The following EFCAB3 variants were observed in gnomAD, a reference collection of about 807,000 sequenced individuals.
The protein encoded by EFCAB3 is EF-hand calcium-binding domain-containing protein 3.
Under a neutral mutation model 42.2 loss-of-function variants are expected in EFCAB3, and 36 were observed. The observed-to-expected ratio is 0.85, with a 90% CI of 0.65 to 1.13. The LOEUF (loss-of-function observed/expected upper bound fraction) is 1.13, where lower values mean the gene tolerates loss of function less well. Ranked by LOEUF, EFCAB3 falls within the 50% of genes most tolerant of loss-of-function variation. The pLI is 0.00. For synonymous variants in EFCAB3, 170 were observed against 172.8 expected (o/e 0.98, Z 0.13); for missense variants, 418 against 505.1 (o/e 0.83, Z 1.65).
intron 6 of EFCAB3, among the ~76,000 whole-genome samples, chr17:62,404,567 C>G (rs534381738): frequency 8.5e-5 from 13 of 152,154 alleles, no homozygotes; most frequent in Non-Finnish European, 1.5e-4. Context: ...GAGGCCGAGG[C>G]GGATGGATCA....
chr17:62,394,514 T>A (rs1418195521), intron 5 of EFCAB3, among the ~76,000 whole-genome samples: 1 of 152,320 alleles, frequency 6.6e-6, no homozygotes, highest in African/African-American at 2.4e-5. Flanking sequence ...ATAATTTTTC[T>A]ATTATTTCTC....
In EFCAB3 at chr17:62,406,666, G is replaced by T; in HGVS notation, c.675G>T (p.Glu225Asp). The change falls in exon 7 of 10, where the codon GAG (glutamate) becomes GAT (aspartate). Residue 225 changes from glutamate to aspartate, a missense_variant. Coordinates refer to ENST00000305286, the MANE Select transcript of EFCAB3 (RefSeq NM_173503.4). Reference sequence around the variant, plus strand: ...AGGATTTATTTAAATTTCTTGAAGAGCTCAAGAGTAAGAGCCATTTGTTCT... The same window carrying T: ...AGGATTTATTTAAATTTCTTGAAGATCTCAAGAGTAAGAGCCATTTGTTCT... ...KEKDLFKFLE[E>D]LKRCNSGSDS... The T allele has an allele frequency of 1.2e-6, 2 of 1,613,906 alleles. No homozygotes were observed. The highest frequency in any genetic ancestry group is 2.2e-5 in the South Asian group (2 of 91,062).
chr17:62,375,239 G>A (rs2070141121), intron 2 of EFCAB3, among the ~76,000 whole-genome samples: 2 of 152,138 alleles, frequency 1.3e-5, no homozygotes, highest in Non-Finnish European at 2.9e-5. Context: ...TTCCAAGTTA[G>A]TCCTGTTGTA....
intron 1 of EFCAB3, among the ~76,000 whole-genome samples, chr17:62,370,979 CTA>C (rs2144040983): frequency 6.6e-6 from 1 of 151,882 alleles, no homozygotes; most frequent in South Asian, 2.1e-4. Context: ...ATAGTCCTAG[CTA>C]ATTGGGAGGC....
upstream of EFCAB3, among the ~76,000 whole-genome samples, chr17:62,376,501 T>A: frequency 6.6e-6 from 1 of 152,286 alleles, no homozygotes; most frequent in East Asian, 1.9e-4. Flanking sequence ...ATATAAGTAT[T>A]AAGGGACAAA....
At chr17:62,377,885 A>C, upstream of EFCAB3, 2 of 1,120,642 alleles carry the variant, frequency 1.8e-6, no homozygotes, top group Non-Finnish European at 2.6e-6. Flanking sequence ...TGGGGAAAAA[A>C]ATAAGATAAA....
chr17:62,375,836 ACTT>A (rs747197844), upstream of EFCAB3, among the ~76,000 whole-genome samples: 21 of 151,972 alleles, frequency 1.4e-4, no homozygotes, highest in African/African-American at 4.8e-4. Context: ...CTCCTCTTCC[ACTT>A]CTTCTTTTTT....
At chr17:62,388,118 G>A (rs760523937) in intron 3 of EFCAB3, among the ~76,000 whole-genome samples, 22 of 152,104 alleles carry the variant, frequency 1.4e-4, no homozygotes, top group Non-Finnish European at 2.9e-4. Flanking sequence ...GCTGAGGCAG[G>A]GAGAATTGCT....
chr17:62,372,473 G>A (rs1031032148), intron 1 of EFCAB3, among the ~76,000 whole-genome samples: 1 of 151,886 alleles, frequency 6.6e-6, no homozygotes, highest in African/African-American at 2.4e-5. Context: ...GTAGAGACGG[G>A]GTACCACCGT....
At chr17:62,370,393 G>A (rs986423395) in intron 1 of EFCAB3, 34 of 1,463,724 alleles carry the variant, frequency 2.3e-5, no homozygotes, top group African/African-American at 7.0e-5. Context: ...GGTGATTCAC[G>A]CCTGTAATCC....
At position 62,413,757 on chromosome 17, in the gene EFCAB3, C is replaced by T. The variant is rs2070519962; in HGVS notation, c.893C>T (p.Pro298Leu). ...GCAGCAAATATAAAGTCTATGGACC[C>T]TGCCTCAGGTTATTCAAATAACATC... ...TQAANIKSMD[P>L]ASGYSNNIFT... The change falls in exon 9 of 10, where the codon CCT becomes CTT. Residue 298 changes from proline to leucine, a missense_variant. Coordinates refer to ENST00000305286, the MANE Select transcript of EFCAB3 (RefSeq NM_173503.4). 6.2e-7 allele frequency: 1 copy of T among 1,612,764 alleles called. No individual in the cohort carries two copies.
upstream of EFCAB3, chr17:62,377,889 A>C: frequency 2.6e-6 from 3 of 1,137,628 alleles, no homozygotes; most frequent in Non-Finnish European, 3.8e-6. Context: ...GAAAAAAATA[A>C]GATAAATTAT....
chr17:62,380,721 G>T, intron 1 of EFCAB3, 108 bp downstream of exon 1: 1 of 527,636 alleles, frequency 1.9e-6, no homozygotes. Context: ...TTGAGGTATG[G>T]GGATGATTTC....
chr17:62,404,202 AATC>A (rs2070429445), intron 6 of EFCAB3, among the ~76,000 whole-genome samples: 1 of 152,190 alleles, frequency 6.6e-6, no homozygotes, highest in East Asian at 1.9e-4. Context: ...GCACTATGCC[AATC>A]AGGTGAGATT....
At chr17:62,394,177 TCTC>T (rs1183233403) in intron 5 of EFCAB3, among the ~76,000 whole-genome samples, 1 of 152,140 alleles carries the variant, frequency 6.6e-6, no homozygotes, top group African/African-American at 2.4e-5. Context: ...ATGGTCCCGA[TCTC>T]CTGAGCTCGT....
At chr17:62,375,915 GTTTT>G (rs572519257), upstream of EFCAB3, among the ~76,000 whole-genome samples, 74 of 151,492 alleles carry the variant, frequency 4.9e-4, no homozygotes, top group East Asian at 0.012. Flanking sequence ...GCTTCCCCTT[GTTTT>G]TCTAGTGCTA....
chr17:62,407,001 A>G, intron 7 of EFCAB3, 27 bp from the exon 8 acceptor site: 1 of 1,560,646 alleles, frequency 6.4e-7, no homozygotes, highest in Non-Finnish European at 8.6e-7. Flanking sequence ...ATTGTTTGTG[A>G]TACCATTTTT....
At chr17:62,410,351 G>A (rs1469062304) in intron 8 of EFCAB3, among the ~76,000 whole-genome samples, 4 of 152,094 alleles carry the variant, frequency 2.6e-5, no homozygotes, top group East Asian at 1.9e-4. Flanking sequence ...GTGAAACCCC[G>A]TCTCTACAAA....
upstream of EFCAB3, among the ~76,000 whole-genome samples, chr17:62,376,903 C>T (rs908350464): frequency 2.6e-5 from 4 of 152,140 alleles, no homozygotes; most frequent in Non-Finnish European, 5.9e-5. Context: ...GAAAAAAAGT[C>T]GCCATATAAA....
Sources: gnomAD v4.1 joint callset for allele counts (sites outside exome capture counted in the v4.1 genomes callset) on GRCh38, gnomAD v4.1.1 for gene constraint, MANE v1.5 for transcripts, NCBI Gene and HGNC (gene_info 2026-07-23, HGNC 2026-07-21) for gene names.